Variants in KCNIP3 observed in about 807,000 individuals in gnomAD.
KCNIP3 encodes potassium voltage-gated channel interacting protein 3.
In KCNIP3, 28 loss-of-function variants were observed where a neutral mutation model predicts 35.0. The observed-to-expected ratio is 0.80, with a 90% CI of 0.59 to 1.10. The LOEUF (loss-of-function observed/expected upper bound fraction) is 1.10. Ranked by LOEUF, KCNIP3 falls within the 50% of genes least tolerant of loss-of-function variation. The pLI, the probability that KCNIP3 is intolerant of heterozygous loss-of-function variation, is 0.00. For missense variants in KCNIP3, 295 were observed against 338.4 expected, an observed-to-expected ratio of 0.87 and a Z score of 1.01; for synonymous variants, 134 against 133.8, an observed-to-expected ratio of 1.00 and a Z score of -0.01.
chr2:95,368,583 C>A, intron 2 of KCNIP3: 1 of 391,128 alleles, frequency 2.6e-6, no homozygotes. Flanking sequence ...ATTTCTCTTA[C>A]AAAATTTGTG....
In KCNIP3 at chr2:95,338,603, A is replaced by G. The variant is rs1035297221; in HGVS notation, c.181+28083A>G. Among the ~76,000 whole-genome samples, 17 of 152,206 alleles carry G rather than the reference A, an allele frequency of 1.1e-4. 3 individuals carry two copies. Among genetic ancestry groups the G allele is most frequent in the Admixed American group, 1.0e-3 (16 of 15,274 alleles). On this transcript the variant is annotated intron_variant, in intron 2 of 8. Coordinates refer to ENST00000295225, the MANE Select transcript of KCNIP3 (RefSeq NM_013434.5). ...GCCATCTAGCCATAAAGACCCCGGG[A>G]AATGTAATTCTGTGGCAAAGAACAC...
In KCNIP3 at chr2:95,349,654, G is replaced by A. The variant is rs117076567; in HGVS notation, c.182-24642G>A. ...CTGTCCTGACCACCAGGGCAAATCA[G>A]TGGGCAGCAGGGCATGGGCCTGGCC... is the stretch of plus-strand genomic sequence containing the variant. On this transcript the variant is annotated intron_variant, in intron 2 of 8. Coordinates refer to ENST00000295225, the MANE Select transcript of KCNIP3 (RefSeq NM_013434.5). 1.2e-3 allele frequency among the ~76,000 whole-genome samples: 186 copies of A among 152,358 alleles called. 3 individuals carry two copies. The East Asian group carries it at 0.033, about 27-fold the overall frequency.
intron 2 of KCNIP3, among the ~76,000 whole-genome samples, chr2:95,361,698 G>A (rs758267338): frequency 3.3e-5 from 5 of 152,246 alleles, no homozygotes; most frequent in East Asian, 3.9e-4. Context: ...TAAAGCCCAC[G>A]CCAGTACTCC....
At chr2:95,326,865 C>T (rs924286876) in intron 2 of KCNIP3, among the ~76,000 whole-genome samples, 10 of 152,250 alleles carry the variant, frequency 6.6e-5, no homozygotes, top group African/African-American at 9.6e-5. Flanking sequence ...GAACTCCCCT[C>T]GCCCTGCCCT....
intron 2 of KCNIP3, among the ~76,000 whole-genome samples, chr2:95,328,290 G>A (rs535786830): frequency 2.0e-4 from 30 of 152,260 alleles, no homozygotes; most frequent in African/African-American, 7.0e-4. Flanking sequence ...GGAAACTGAG[G>A]ACTGGAGAAA....
chr2:95,310,572 T>C (rs761275122), intron 2 of KCNIP3, 52 bp downstream of exon 2: 13 of 1,603,856 alleles, frequency 8.1e-6, no homozygotes, highest in Non-Finnish European at 1.1e-5. Flanking sequence ...AGATCTGTTC[T>C]GAGCACTGTC....
At chr2:95,374,978 T>G in intron 4 of KCNIP3, 61 bp downstream of exon 4, 14 of 1,557,102 alleles carry the variant, frequency 9.0e-6, no homozygotes, top group Non-Finnish European at 1.2e-5. Flanking sequence ...ACCCTCCTGC[T>G]GCCCCTTGCA....
chr2:95,347,068 C>G, intron 2 of KCNIP3: 3 of 1,612,154 alleles, frequency 1.9e-6, no homozygotes, highest in Non-Finnish European at 2.5e-6. Context: ...GGTGGTGCTG[C>G]TGTTCATCGC....
chr2:95,341,287 G>A (rs1367843408), intron 2 of KCNIP3, among the ~76,000 whole-genome samples: 1 of 152,206 alleles, frequency 6.6e-6, no homozygotes, highest in Non-Finnish European at 1.5e-5. Flanking sequence ...CACGTGAGAT[G>A]TGCCTGCTCC....
In KCNIP3 at chr2:95,385,935, C is replaced by T. The variant is rs773805138; in HGVS notation, c.*1886C>T. ...CACAGCCCAACCAGGAGGGGTCTGC[C>T]TCCCACGCTGGGACACAGACCGGCC... On this transcript the variant is annotated 3_prime_UTR_variant, in exon 9 of 9. Transcript: ENST00000295225. The T allele has an allele frequency of 6.6e-6, 1 of 152,500 alleles. No individual in the cohort carries two copies. Among genetic ancestry groups the T allele is most frequent in the Non-Finnish European group, 1.5e-5 (1 of 68,120 alleles). The allele number at this position is 152,500 out of a possible 1,614,324, so 9.4% of individuals were successfully genotyped here. A position where few individuals can be genotyped will look rare whatever the true frequency, so the allele number is the denominator to read the frequency against.
At chr2:95,306,633 G>A (rs1464989754) in intron 1 of KCNIP3, among the ~76,000 whole-genome samples, 1 of 152,070 alleles carries the variant, frequency 6.6e-6, no homozygotes, top group Non-Finnish European at 1.5e-5. Context: ...AGGAGCAGCA[G>A]GTGCCAAGGC....
At chr2:95,299,483 C>T (rs1463187369) in intron 1 of KCNIP3, among the ~76,000 whole-genome samples, 1 of 152,198 alleles carries the variant, frequency 6.6e-6, no homozygotes, top group East Asian at 1.9e-4. Flanking sequence ...TACTCCCCAG[C>T]CATTCATGAA....
chr2:95,343,731 C>T (rs1469170260), intron 2 of KCNIP3, among the ~76,000 whole-genome samples: 2 of 152,034 alleles, frequency 1.3e-5, no homozygotes, highest in Admixed American at 1.3e-4. Flanking sequence ...AGAGTGTGGC[C>T]CAGGCAGGTG....
intron 2 of KCNIP3, among the ~76,000 whole-genome samples, chr2:95,326,199 G>A (rs897000054): frequency 4.8e-5 from 7 of 144,988 alleles, no homozygotes; most frequent in Admixed American, 2.7e-4. Flanking sequence ...ACACATACAC[G>A]CACTCATATA....
At chr2:95,333,695 C>T (rs1342382917) in intron 2 of KCNIP3, among the ~76,000 whole-genome samples, 1 of 152,182 alleles carries the variant, frequency 6.6e-6, no homozygotes, top group Non-Finnish European at 1.5e-5. Flanking sequence ...CAGTGCCTGG[C>T]ACATGGTAAG....
intron 2 of KCNIP3, among the ~76,000 whole-genome samples, chr2:95,330,542 G>A (rs556976770): frequency 9.8e-5 from 15 of 152,312 alleles, no homozygotes; most frequent in East Asian, 3.9e-4. Context: ...AGACTCACCC[G>A]TCCGTACCCC....
chr2:95,332,017 C>T (rs1269297825), intron 2 of KCNIP3, among the ~76,000 whole-genome samples: 4 of 152,240 alleles, frequency 2.6e-5, no homozygotes, highest in African/African-American at 9.6e-5. Flanking sequence ...ATCCCCGCCC[C>T]GTTCTCTTCC....
chr2:95,317,146 A>G (rs541247529), intron 2 of KCNIP3, among the ~76,000 whole-genome samples: 68 of 152,162 alleles, frequency 4.5e-4, no homozygotes, highest in African/African-American at 1.2e-3. Context: ...CCCCCGTCCT[A>G]CTCAGGGCCC....
At chr2:95,311,971 A>G (rs1678331047) in intron 2 of KCNIP3, 1 of 152,206 alleles carries the variant, frequency 6.6e-6, no homozygotes, top group African/African-American at 2.4e-5. Context: ...GGCACTGTTC[A>G]TTCTGCATCA....
Sources: gnomAD v4.1 joint callset for allele counts (sites outside exome capture counted in the v4.1 genomes callset) on GRCh38, gnomAD v4.1.1 for gene constraint, MANE v1.5 for transcripts, NCBI Gene and HGNC (gene_info 2026-07-23, HGNC 2026-07-21) for gene names.